TMTC3: variants seen among roughly 807,000 people sequenced by gnomAD.
TMTC3 encodes protein O-mannosyl-transferase TMTC3.
In TMTC3, 52 loss-of-function variants were observed where a neutral mutation model predicts 92.2. The ratio of observed to expected loss-of-function variants is 0.56; its 90% CI spans 0.45 to 0.71. TMTC3 has a LOEUF of 0.71. TMTC3 is among the 30% of genes least tolerant of loss of function. TMTC3 has a pLI of 0.00. For missense variants in TMTC3, 896 were observed against 1,057.1 expected, an observed-to-expected ratio of 0.85 and a Z score of 2.11; for synonymous variants, 339 against 363.3, an observed-to-expected ratio of 0.93 and a Z score of 0.76.
rs752000828 is a variant in TMTC3 at position 88,192,677 on chromosome 12, A to G, written c.1780A>G (p.Arg594Gly). The change falls in exon 13 of 14, where the codon AGA (arginine) becomes GGA (glycine). Residue 594 changes from arginine (R) to glycine (G), a missense_variant. Physicochemically the swap from Arg to Gly is moderately radical, Grantham distance 125. Coordinates refer to ENST00000266712, the MANE Select transcript of TMTC3 (RefSeq NM_181783.4). ...EAYLKALELD[R>G]NNADLWYNLA... is the part of the protein sequence containing the mutation. The stretch of plus-strand genomic sequence containing the variant: ...ATATCTTAAAGCACTAGAGCTGGAC[A>G]GAAATAATGCAGATCTTTGGTACAA... The G allele has an allele frequency of 2.5e-6, 4 of 1,613,410 alleles. No homozygotes were observed. Among genetic ancestry groups the G allele is most frequent in the South Asian group, 2.2e-5 (2 of 91,080 alleles).
At chr12:88,170,877 CAT>C (rs1286368808) in intron 7 of TMTC3, among the ~76,000 whole-genome samples, 13 of 152,260 alleles carry the variant, frequency 8.5e-5, no homozygotes, top group African/African-American at 2.6e-4. Flanking sequence ...GTGGAAACCA[CAT>C]GTCATCCCAT....
rs555977616 is a variant in TMTC3 at position 88,175,992 on chromosome 12, G to A, written c.1321-216G>A. Among the ~76,000 whole-genome samples, 9 of 152,192 alleles carry A rather than the reference G, an allele frequency of 5.9e-5. No homozygotes were observed. The South Asian group carries it at 1.2e-3, about 21-fold the overall frequency. ...TTTCAGTAAAATGTTAATATATAACGTGAATGAAATAAGACACTGCTGTGG... is the reference window on the plus strand; with the variant it reads ...TTTCAGTAAAATGTTAATATATAACATGAATGAAATAAGACACTGCTGTGG... On this transcript the variant is annotated intron_variant, in intron 9 of 13. Coordinates refer to ENST00000266712, the MANE Select transcript of TMTC3 (RefSeq NM_181783.4).
At chr12:88,158,694 CTT>C (rs1159466516) in intron 4 of TMTC3, among the ~76,000 whole-genome samples, 1 of 151,918 alleles carries the variant, frequency 6.6e-6, no homozygotes, top group Non-Finnish European at 1.5e-5. Flanking sequence ...GAATTCTGTT[CTT>C]GTTTATATTT....
chr12:88,153,175 GTTAT>G, intron 2 of TMTC3, 112 bp from the exon 3 acceptor site: 1 of 607,438 alleles, frequency 1.6e-6, no homozygotes, highest in Non-Finnish European at 2.8e-6. Flanking sequence ...ATATTTTATT[GTTAT>G]TTCTCAGTAA....
At chr12:88,152,662 A>AT (rs1021781434) in intron 2 of TMTC3, among the ~76,000 whole-genome samples, 2 of 152,178 alleles carry the variant, frequency 1.3e-5, no homozygotes, top group Non-Finnish European at 2.9e-5. Context: ...TTTACATGAA[A>AT]TTTTATTTAT....
At chr12:88,146,737 A>G (rs906084580) in intron 1 of TMTC3, among the ~76,000 whole-genome samples, 42 of 150,832 alleles carry the variant, frequency 2.8e-4, no homozygotes, top group African/African-American at 9.9e-4. Flanking sequence ...AAACTTTCTC[A>G]GTACTTAAAT....
intron 13 of TMTC3, among the ~76,000 whole-genome samples, chr12:88,193,053 G>A (rs920352375): frequency 6.6e-6 from 1 of 151,926 alleles, no homozygotes; most frequent in Non-Finnish European, 1.5e-5. Flanking sequence ...TAATTCTTCT[G>A]GCATGTGTTA....
intron 7 of TMTC3, among the ~76,000 whole-genome samples, chr12:88,167,647 C>T (rs1039158093): frequency 2.0e-5 from 3 of 152,122 alleles, no homozygotes; most frequent in African/African-American, 7.2e-5. Flanking sequence ...ACACAGTTCA[C>T]GTTTCCAGAG....
rs76005376 is a variant in TMTC3, at chr12:88,184,622, T to G, written c.1433-4221T>G. Among the ~76,000 whole-genome samples the G allele has an allele frequency of 1.5e-3, 229 of 152,368 alleles. 6 individuals are homozygous for G. In the East Asian group the frequency reaches 0.037, roughly 25 times the overall value. On this transcript the variant is annotated intron_variant, in intron 10 of 13. Coordinates refer to ENST00000266712, the MANE Select transcript of TMTC3 (RefSeq NM_181783.4). The stretch of plus-strand genomic sequence containing the variant: ...CAAATGGCTCTGTAGGTATATTTGT[T>G]CATTGGGCACGTATTTGAGAATTTA...
chr12:88,181,030 G>A (rs541211098), intron 10 of TMTC3, among the ~76,000 whole-genome samples: 1 of 152,132 alleles, frequency 6.6e-6, no homozygotes, highest in Non-Finnish European at 1.5e-5. Context: ...GAGTGGACAC[G>A]TTCTACTATG....
intron 1 of TMTC3, among the ~76,000 whole-genome samples, chr12:88,145,366 G>A (rs1395033204): frequency 6.6e-6 from 1 of 152,142 alleles, no homozygotes; most frequent in Non-Finnish European, 1.5e-5. Context: ...ATGAAATTAA[G>A]GCAAAACAAT....
chr12:88,168,336 G>A (rs1279808172), intron 7 of TMTC3, among the ~76,000 whole-genome samples: 5 of 151,388 alleles, frequency 3.3e-5, no homozygotes, highest in African/African-American at 1.2e-4. Context: ...TAGACCTGTA[G>A]GAATAATTTA....
intron 6 of TMTC3, among the ~76,000 whole-genome samples, chr12:88,161,056 G>A (rs1168069421): frequency 6.6e-6 from 1 of 152,054 alleles, no homozygotes; most frequent in Non-Finnish European, 1.5e-5. Context: ...CCACAATAAA[G>A]ATAATGAATG....
intron 4 of TMTC3, among the ~76,000 whole-genome samples, chr12:88,156,238 T>A (rs1435278397): frequency 6.6e-6 from 1 of 152,234 alleles, no homozygotes; most frequent in Non-Finnish European, 1.5e-5. Context: ...TTGTTTTGGC[T>A]TGTGAGCTCA....
chr12:88,175,470 CTG>C (rs2041249566), intron 9 of TMTC3, among the ~76,000 whole-genome samples: 1 of 152,032 alleles, frequency 6.6e-6, no homozygotes, highest in Non-Finnish European at 1.5e-5. Flanking sequence ...TTCCAGTGGT[CTG>C]TGTGATTTCT....
At chr12:88,159,757 CTG>C in intron 4 of TMTC3, among the ~76,000 whole-genome samples, 1 of 151,544 alleles carries the variant, frequency 6.6e-6, no homozygotes, top group East Asian at 1.9e-4. Flanking sequence ...ATAAAGATAT[CTG>C]TCATAATTTC....
At chr12:88,177,553 G>A (rs2041273230) in intron 10 of TMTC3, among the ~76,000 whole-genome samples, 1 of 152,168 alleles carries the variant, frequency 6.6e-6, no homozygotes. Flanking sequence ...CAAGATCAGT[G>A]GATCTGAGGA....
intron 10 of TMTC3, among the ~76,000 whole-genome samples, chr12:88,182,670 T>C (rs945674917): frequency 3.3e-5 from 5 of 152,210 alleles, no homozygotes; most frequent in Non-Finnish European, 5.9e-5. Flanking sequence ...CTGGCTCCGT[T>C]GGGGATGCTA....
intron 2 of TMTC3, among the ~76,000 whole-genome samples, chr12:88,149,444 A>G (rs1457985540): frequency 6.6e-6 from 1 of 152,176 alleles, no homozygotes; most frequent in African/African-American, 2.4e-5. Context: ...TAAAAAAGAG[A>G]GTAATGCTTC....
Sources: allele counts gnomAD v4.1 joint callset (sites outside exome capture counted in the v4.1 genomes callset), GRCh38; gene constraint gnomAD v4.1.1; transcripts MANE v1.5; gene names NCBI Gene and HGNC (gene_info 2026-07-23, HGNC 2026-07-21).